Variants in NOTCH3 observed in about 807,000 individuals in gnomAD.
The protein encoded by NOTCH3 is notch receptor 3, also known as neurogenic locus notch homolog protein 3.
Under a neutral mutation model 213.3 loss-of-function variants are expected in NOTCH3, and 86 were observed. That is an observed-to-expected ratio of 0.40 (90% CI 0.34 to 0.48). The LOEUF is 0.48. NOTCH3 is among the 20% of genes least tolerant of loss of function. The pLI, the probability that NOTCH3 is intolerant of heterozygous loss-of-function variation, is 0.57. For missense variants in NOTCH3, 2,783 were observed against 3,272.6 expected, an observed-to-expected ratio of 0.85 and a Z score of 3.65; for synonymous variants, 1,354 against 1,355.9, an observed-to-expected ratio of 1.00 and a Z score of 0.03.
At chr19:15,186,694 C>T (rs1030764975) in intron 12 of NOTCH3, among the ~76,000 whole-genome samples, 184 bp downstream of exon 12, 4 of 152,178 alleles carry the variant, frequency 2.6e-5, no homozygotes, top group South Asian at 2.1e-4. Context: ...CGTGAGCCAC[C>T]GCGCCCAGCC....
chr19:15,194,624 G>A lies in NOTCH3; in HGVS notation c.198-2105C>T, dbSNP rs545047234. Among the ~76,000 whole-genome samples the A allele has an allele frequency of 2.6e-5, 4 of 152,252 alleles. No individual in the cohort carries two copies. In the South Asian group the frequency reaches 8.3e-4, roughly 32 times the overall value. On this transcript the variant is annotated intron_variant, in intron 2 of 32. Coordinates refer to ENST00000263388, the MANE Select transcript of NOTCH3 (RefSeq NM_000435.3). ...GGAGGGGGCCATGGGGCTTTCTGGG[G>A]AACGGCATTCCAGGCAGAGGGAACA...
Position 15,170,496 on chromosome 19 carries a change from C to A in NOTCH3, c.4949G>T (p.Gly1650Val), listed in dbSNP as rs765100935. 1 of 1,609,060 alleles carries A rather than the reference C, an allele frequency of 6.2e-7. No individual in the cohort carries two copies. The highest frequency in any genetic ancestry group is 2.2e-5 in the East Asian group (1 of 44,868). ...SVPLLPLLVA[G>V]AVLLLVILVL... ...GAGAATGACCAGCAGCAAGACAGCG[C>A]CCGCCACTAGCAGTGGCAGCAGCGG... is the stretch of plus-strand genomic sequence containing the variant. Residue 1650 changes from glycine to valine, a missense_variant, in exon 27 of 33, where the codon GGC (glycine) becomes GTC (valine). Gly to Val is a moderately radical substitution (Grantham distance 109). This residue lies in a region of NOTCH3 where 636 missense variants were observed against 801.8 expected (regional missense o/e 0.79). Coordinates refer to ENST00000263388, the MANE Select transcript of NOTCH3 (RefSeq NM_000435.3).
Position 15,160,618 on chromosome 19 carries a change from G to A in NOTCH3, c.*44C>T, listed in dbSNP as rs749913764. ...GACAGAGAAAGAAAGGAGGCAGGACGGGGGTCTCTTTAGGCCCCCAAGATC... is the reference window on the plus strand; with the variant it reads ...GACAGAGAAAGAAAGGAGGCAGGACAGGGGTCTCTTTAGGCCCCCAAGATC... On this transcript the variant is annotated 3_prime_UTR_variant, in exon 33 of 33. Coordinates refer to ENST00000263388, the MANE Select transcript of NOTCH3 (RefSeq NM_000435.3). 28 of 1,400,312 alleles carry A rather than the reference G, an allele frequency of 2.0e-5. No homozygotes were observed. Among genetic ancestry groups the A allele is most frequent in the Admixed American group, 5.0e-5 (3 of 59,740 alleles). 86.7% of individuals were successfully genotyped at this position (1,400,312 alleles called of 1,614,324 possible).
At position 15,180,230 on chromosome 19, in the gene NOTCH3, C is replaced by T. The variant is rs2145420727; in HGVS notation, c.3169G>A (p.Ala1057Thr). 6.2e-7 allele frequency: 1 copy of T among 1,613,780 alleles called. No homozygotes were observed. The highest frequency in any genetic ancestry group is 8.5e-7 in the Non-Finnish European group (1 of 1,180,008). ...TCTTCATCCACACACTGCCCACCCG[C>T]CTGACACAGCTGCTCCAGCCGCACC... ...IGVRLEQLCQ[A>T]GGQCVDEDSS... is the part of the protein sequence containing the mutation. The change falls in exon 20 of 33, where the codon GCG becomes ACG. Residue 1057 changes from alanine (A) to threonine (T), a missense_variant. By Grantham distance (58) the Ala-to-Thr change is moderately conservative. Transcript: ENST00000263388.
intron 17 of NOTCH3, 93 bp downstream of exon 17, chr19:15,181,483 C>G: frequency 1.9e-6 from 2 of 1,045,024 alleles, no homozygotes; most frequent in Non-Finnish European, 2.9e-6. Context: ...AAGCTGAGGA[C>G]TCCCCCAAGT....
rs140368657 is a variant in NOTCH3, at chr19:15,189,173, G to A, written c.1194C>T (p.Gly398=). 104 of 1,613,272 alleles carry A rather than the reference G, an allele frequency of 6.4e-5. No homozygotes were observed. In the African/African-American group the frequency reaches 1.3e-3, roughly 19 times the overall value. The stretch of plus-strand genomic sequence containing the variant: ...TGCCCAAGTGCTCGCAGGGGTTGGC[G>A]CCTGCCGGATGGAGTGCGATCGGTG... ...CDQDVDECSI[G]ANPCEHLGRC... is the part of the protein sequence containing the mutation. Residue 398 remains glycine (G), a splice_region_variant and synonymous_variant, in exon 8 of 33, where the codon GGC becomes GGT. Coordinates refer to ENST00000263388, the MANE Select transcript of NOTCH3 (RefSeq NM_000435.3).
In NOTCH3 at chr19:15,185,631, C is replaced by T. The variant is rs370386680; in HGVS notation, c.2000G>A (p.Gly667Asp). ...EINECASSPC[G>D]EGGSCVDGEN... is the part of the protein sequence containing the mutation. Reference sequence around the variant, plus strand: ...CCCATCCACACAGGAACCTCCCTCGCCGCATGGGCTGGAAGCACACTCATT... The same window carrying T: ...CCCATCCACACAGGAACCTCCCTCGTCGCATGGGCTGGAAGCACACTCATT... The change falls in exon 13 of 33, where the codon GGC (glycine) becomes GAC (aspartate). Residue 667 changes from glycine to aspartate, a missense_variant. Around this residue, in one of 6 missense-constraint regions of NOTCH3, gnomAD observed 861 missense variants for 909.1 expected, o/e 0.95. Coordinates refer to ENST00000263388, the MANE Select transcript of NOTCH3 (RefSeq NM_000435.3). This position sits in a 1 kb window ranked among gnomAD's most constrained non-coding sequence, Gnocchi z 4.2. 9.9e-5 allele frequency: 160 copies of T among 1,613,504 alleles called. No homozygotes were observed. The highest frequency in any genetic ancestry group is 1.3e-4 in the Non-Finnish European group (152 of 1,180,022).
chr19:15,180,634 A>T (rs530194883), intron 19 of NOTCH3, 47 bp downstream of exon 19: 1 of 1,538,928 alleles, frequency 6.5e-7, no homozygotes, highest in African/African-American at 1.4e-5. Flanking sequence ...TACGTGCATG[A>T]GCCCCTTCCC....
chr19:15,188,878 G>T, intron 8 of NOTCH3, 111 bp downstream of exon 8: 1 of 1,070,334 alleles, frequency 9.3e-7, no homozygotes, highest in South Asian at 1.5e-5. Context: ...CAGTCTCTAA[G>T]GGTCCCACTC....
At position 15,160,064 on chromosome 19, in the gene NOTCH3, C is replaced by T. The variant is rs2046626790; in HGVS notation, c.*598G>A. On this transcript the variant is annotated 3_prime_UTR_variant, in exon 33 of 33. Transcript: ENST00000263388. ...TCCCAACACTCCCCCGACCCCTGGC[C>T]CCAGTGGGTGCGCCCAAGGGTGCCT... The T allele has an allele frequency of 4.3e-6, 1 of 234,090 alleles. No individual in the cohort carries two copies. Among genetic ancestry groups the T allele is most frequent in the Non-Finnish European group, 8.4e-6 (1 of 118,548 alleles). The allele number at this position is 234,090 out of a possible 1,614,324, so 14.5% of individuals were successfully genotyped here.
rs2046678020 is a variant in NOTCH3 at position 15,165,464 on chromosome 19, A to G, written c.5719T>C (p.Ser1907Pro). The G allele has an allele frequency of 6.2e-7, 1 of 1,612,934 alleles. No individual in the cohort carries two copies. The highest frequency in any genetic ancestry group is 1.7e-5 in the Admixed American group (1 of 59,998). The change falls in exon 31 of 33, where the codon TCA becomes CCA. Residue 1907 changes from serine to proline, a missense_variant. Ser to Pro is a moderately conservative substitution (Grantham distance 74). Transcript: ENST00000263388. The surrounding 1 kb of genome is among the most constrained non-coding windows in gnomAD (Gnocchi z 4.7). Reference sequence around the variant, plus strand: ...CGGGCCGCCAGGATCAGTGCCGTTGAGCCATCTGCCATGCGGGCATCCAAG... The same window carrying G: ...CGGGCCGCCAGGATCAGTGCCGTTGGGCCATCTGCCATGCGGGCATCCAAG... ...TDLDARMADGSTALILAARLA... is the reference protein window; with the variant it reads ...TDLDARMADGPTALILAARLA...
chr19:15,175,621 A>G (rs2046783937), intron 24 of NOTCH3, among the ~76,000 whole-genome samples: 2 of 147,896 alleles, frequency 1.4e-5, no homozygotes, highest in African/African-American at 5.0e-5. Flanking sequence ...ACACGCACGC[A>G]CACACATAGT....
In NOTCH3 at chr19:15,178,115, G is replaced by A. The variant is rs370408474; in HGVS notation, c.3838-25C>T. The A allele has an allele frequency of 1.4e-4, 207 of 1,476,580 alleles. 1 individual carries two copies. The East Asian group carries it at 4.8e-3, about 34-fold the overall frequency. The allele number at this position is 1,476,580 out of a possible 1,614,324, so 91.5% of individuals were successfully genotyped here. A position where few individuals can be genotyped will look rare whatever the true frequency, so the allele number is the denominator to read the frequency against. On this transcript the variant is annotated intron_variant, in intron 23 of 32. Coordinates refer to ENST00000263388, the MANE Select transcript of NOTCH3 (RefSeq NM_000435.3). The stretch of plus-strand genomic sequence containing the variant: ...GCTGGGGGTCGGGTTTGGGGAGGGA[G>A]GGATAAAAATGAGGGTGGGGAGTGG...
rs572073239 is a variant in NOTCH3, at chr19:15,159,479, A to C, written c.*1183T>G. ...TAAGTCAGGTGACAACCACTAATCC[A>C]ATCGGTAGTCATCTGCCAAAAGAGG... On this transcript the variant is annotated 3_prime_UTR_variant, in exon 33 of 33. Transcript: ENST00000263388. 3.6e-5 allele frequency: 7 copies of C among 192,058 alleles called. No homozygotes were observed. The South Asian group carries it at 1.4e-3, about 37-fold the overall frequency. The allele number at this position is 192,058 out of a possible 1,614,324, so 11.9% of individuals were successfully genotyped here. A position where few individuals can be genotyped will look rare whatever the true frequency, so the allele number is the denominator to read the frequency against.
chr19:15,197,475 T>G, intron 2 of NOTCH3, 25 bp downstream of exon 2: 1 of 742,242 alleles, frequency 1.3e-6, no homozygotes, highest in Non-Finnish European at 2.1e-6. Flanking sequence ...CAGGGCCCAC[T>G]GGTGGCTCTG....
rs1419024906 is a variant in NOTCH3, at chr19:15,181,037, T to C, written c.2918A>G (p.His973Arg). Residue 973 changes from histidine (H) to arginine (R), a missense_variant, in exon 18 of 33, where the codon CAC becomes CGC. Around this residue, in one of 6 missense-constraint regions of NOTCH3, gnomAD observed 861 missense variants for 909.1 expected, o/e 0.95. Coordinates refer to ENST00000263388, the MANE Select transcript of NOTCH3 (RefSeq NM_000435.3). ...ADPCLSRPCL[H>R]GGVCSAAHPG... Reference sequence around the variant, plus strand: ...GTGGGCGGCGCTGCAGACGCCCCCGTGTAGGCAGGGCCGCGAGAGGCAGGG... The same window carrying C: ...GTGGGCGGCGCTGCAGACGCCCCCGCGTAGGCAGGGCCGCGAGAGGCAGGG... 1 of 1,603,246 alleles carries C rather than the reference T, an allele frequency of 6.2e-7. No homozygotes were observed. Among genetic ancestry groups the C allele is most frequent in the African/African-American group, 1.3e-5 (1 of 74,762 alleles).
chr19:15,197,449 C>CCCCCCCCCCCCCCCCA, intron 2 of NOTCH3, 51 bp downstream of exon 2: 1 of 847,644 alleles, frequency 1.2e-6, no homozygotes, highest in Non-Finnish European at 2.0e-6. Context: ...TCGCCCCTCC[C>CCCCCCCCCCCCCCCCA]CCCCGCCCCC....
At position 15,179,505 on chromosome 19, in the gene NOTCH3, G is replaced by A. The variant is rs2046821630; in HGVS notation, c.3328-9C>T. The A allele has an allele frequency of 6.2e-7, 1 of 1,613,630 alleles. No individual in the cohort carries two copies. ...TTGTAGCCAGGAAGACACTTCAGTG[G>A]GGTAAGAGAGGGACCCACTCAGCTT... On this transcript the variant is annotated splice_polypyrimidine_tract_variant and intron_variant, in intron 20 of 32. Coordinates refer to ENST00000263388, the MANE Select transcript of NOTCH3 (RefSeq NM_000435.3).
intron 2 of NOTCH3, among the ~76,000 whole-genome samples, chr19:15,195,671 C>T (rs1005898786): frequency 2.0e-5 from 3 of 151,836 alleles, no homozygotes; most frequent in East Asian, 2.0e-4. Context: ...CAGCTCCCGT[C>T]CCCTCCTCCA....
Sources: gnomAD v4.1 joint callset for allele counts (sites outside exome capture counted in the v4.1 genomes callset) on GRCh38, gnomAD v4.1.1 for gene constraint, gnomAD v4.1.1 regional missense constraint, Gnocchi (gnomAD v3.1) non-coding constraint, MANE v1.5 for transcripts, NCBI Gene and HGNC (gene_info 2026-07-23, HGNC 2026-07-21) for gene names.